Variants in SGSM3 observed in about 807,000 individuals in gnomAD.
SGSM3 encodes the protein RUN and SH3 containing 3.
A neutral mutation model predicts 100.5 loss-of-function variants in SGSM3; 96 were observed. The observed-to-expected ratio is 0.96, with a 90% CI of 0.81 to 1.13. SGSM3 has a LOEUF of 1.13. Ranked by LOEUF, SGSM3 falls within the 50% of genes most tolerant of loss-of-function variation. The pLI, the probability that SGSM3 is intolerant of heterozygous loss-of-function variation, is 0.00. For missense variants in SGSM3, 1,001 were observed against 1,015.8 expected, an observed-to-expected ratio of 0.99 and a Z score of 0.20; for synonymous variants, 483 against 422.8, an observed-to-expected ratio of 1.14 and a Z score of -1.75.
At chr22:40,372,122 C>CCT (rs768398221) in intron 1 of SGSM3, among the ~76,000 whole-genome samples, 9 of 65,212 alleles carry the variant, frequency 1.4e-4, no homozygotes, top group South Asian at 8.1e-4. Context: ...TCCCCCCCCC[C>CCT]TTTTTTTTTT....
Position 40,410,266 on chromosome 22 carries a change from CTGA to C in SGSM3, c.*508_*510del. ...CTGTGCTACCCACCCCTTCCATGGA[CTGA>C]ATAAGATGGACTAACAGGCCTGTGT... On this transcript the variant is annotated 3_prime_UTR_variant, in exon 22 of 22. Transcript: ENST00000248929. The C allele has an allele frequency of 1.3e-6, 1 of 760,352 alleles. No individual in the cohort carries two copies. Among genetic ancestry groups the C allele is most frequent in the East Asian group, 5.7e-5 (1 of 17,408 alleles). The allele number at this position is 760,352 out of a possible 1,614,324, so 47.1% of individuals were successfully genotyped here.
At chr22:40,385,083 GTC>G (rs1454840747) in intron 1 of SGSM3, among the ~76,000 whole-genome samples, 1 of 152,222 alleles carries the variant, frequency 6.6e-6, no homozygotes, top group Non-Finnish European at 1.5e-5. Flanking sequence ...TGCCCTCAGA[GTC>G]ATTGAACAGT....
chr22:40,406,479 C>T lies in SGSM3; in HGVS notation c.1002C>T (p.Phe334=), dbSNP rs1490712235. The T allele has an allele frequency of 6.2e-7, 1 of 1,605,214 alleles. No individual in the cohort carries two copies. The highest frequency in any genetic ancestry group is 1.1e-5 in the South Asian group (1 of 90,350). The change falls in exon 10 of 22, where the codon TTC becomes TTT. Residue 334 remains phenylalanine (F), a synonymous_variant. Coordinates refer to ENST00000248929, the MANE Select transcript of SGSM3 (RefSeq NM_015705.6). ...LIQSENSASI[F]NTLSDIPSQM... ...AGTCAGAGAACTCGGCCTCCATCTT[C>T]AACACGCTATCGGATATCCCGTCGC...
At chr22:40,384,242 C>CT (rs752920989) in intron 1 of SGSM3, among the ~76,000 whole-genome samples, 118 of 152,052 alleles carry the variant, frequency 7.8e-4, no homozygotes, top group Non-Finnish European at 1.2e-3. Flanking sequence ...AACCCTGTCT[C>CT]TAACAACAAC....
chr22:40,405,103 A>G lies in SGSM3; in HGVS notation c.475-38A>G, dbSNP rs377251297. On this transcript the variant is annotated intron_variant, in intron 6 of 21. Coordinates refer to ENST00000248929, the MANE Select transcript of SGSM3 (RefSeq NM_015705.6). ...TCTGCCTCCCTCCCAGGGTGTCACA[A>G]GGTCTTGTTATTGTGGGTGCCGATG... The G allele has an allele frequency of 7.1e-5, 105 of 1,470,372 alleles. 1 individual carries two copies. The African/African-American group carries it at 1.4e-3, about 20-fold the overall frequency. 91.1% of individuals were successfully genotyped at this position (1,470,372 alleles called of 1,614,324 possible).
At chr22:40,402,279 A>G (rs1163675180) in intron 4 of SGSM3, 74 bp downstream of exon 4, 2 of 1,166,080 alleles carry the variant, frequency 1.7e-6, no homozygotes, top group Non-Finnish European at 2.6e-6. Context: ...TGACTGAATT[A>G]CTCGGCCTGT....
rs769339119 is a variant in SGSM3 at position 40,404,621 on chromosome 22, T to C, written c.431T>C (p.Ile144Thr). The change falls in exon 6 of 22, where the codon ATT becomes ACT. Residue 144 changes from isoleucine to threonine, a missense_variant. Ile to Thr is a moderately conservative substitution (Grantham distance 89, BLOSUM62 -1). Coordinates refer to ENST00000248929, the MANE Select transcript of SGSM3 (RefSeq NM_015705.6). Reference sequence around the variant, plus strand: ...AACTCTGAGCTGTCCTACCGCGAGATTGTGAAGAACAGCTCCAACGATGAG... The same window carrying C: ...AACTCTGAGCTGTCCTACCGCGAGACTGTGAAGAACAGCTCCAACGATGAG... Reference protein sequence around the residue: ...KRNSELSYREIVKNSSNDETI... With the variant: ...KRNSELSYRETVKNSSNDETI... The C allele has an allele frequency of 2.4e-5, 39 of 1,613,608 alleles. No individual in the cohort carries two copies. In the South Asian group the frequency reaches 3.1e-4, roughly 13 times the overall value.
chr22:40,406,054 CG>C, intron 8 of SGSM3, 23 bp from the exon 9 acceptor site: 1 of 1,606,370 alleles, frequency 6.2e-7, no homozygotes, highest in East Asian at 2.2e-5. Flanking sequence ...TCCTCCCCAG[CG>C]GCTTTGGCTC....
chr22:40,408,695 C>T lies in SGSM3; in HGVS notation c.1851C>T (p.Phe617=), dbSNP rs772538497. Residue 617 remains phenylalanine, a splice_region_variant and synonymous_variant, in exon 17 of 22, where the codon TTC becomes TTT. Coordinates refer to ENST00000248929, the MANE Select transcript of SGSM3 (RefSeq NM_015705.6). The stretch of plus-strand genomic sequence containing the variant: ...CCCGTCTGGTGCTCTGTAAGACCTT[C>T]AGGTAACTCGGCCCGGGTTCTTCTG... ...VYSRLVLCKT[F]RLDEDGKVLT... The T allele has an allele frequency of 6.2e-7, 1 of 1,614,040 alleles. No individual in the cohort carries two copies. Among genetic ancestry groups the T allele is most frequent in the Non-Finnish European group, 8.5e-7 (1 of 1,180,020 alleles).
intron 1 of SGSM3, among the ~76,000 whole-genome samples, chr22:40,371,967 TGGGATTACA>T (rs1229913405): frequency 6.6e-6 from 1 of 152,312 alleles, no homozygotes; most frequent in Admixed American, 6.5e-5. Context: ...CCCAAAGTGC[TGGGATTACA>T]GGCGTGAGCC....
intron 4 of SGSM3, among the ~76,000 whole-genome samples, chr22:40,403,806 G>A (rs1387628323): frequency 2.6e-5 from 4 of 152,206 alleles, no homozygotes; most frequent in African/African-American, 7.2e-5. Context: ...CAACAGGGAG[G>A]TCAGCAGGAG....
chr22:40,376,621 C>A (rs929287371), intron 1 of SGSM3: 1 of 152,150 alleles, frequency 6.6e-6, no homozygotes, highest in African/African-American at 2.4e-5. Context: ...TGTATTAACT[C>A]ACAATCCTCA....
At chr22:40,400,632 A>AG in intron 1 of SGSM3, 64 bp from the exon 2 acceptor site, 1 of 613,094 alleles carries the variant, frequency 1.6e-6, no homozygotes, top group South Asian at 1.9e-5. Context: ...TGACCAAGCG[A>AG]GACTCTGTCT....
In SGSM3 at chr22:40,404,984, C is replaced by T. The variant is rs537909355; in HGVS notation, c.475-157C>T. 5.4e-6 allele frequency: 3 copies of T among 559,444 alleles called. No individual in the cohort carries two copies. The African/African-American group carries it at 6.1e-5, about 11-fold the overall frequency. 34.7% of individuals were successfully genotyped at this position (559,444 alleles called of 1,614,324 possible). On this transcript the variant is annotated intron_variant, in intron 6 of 21. Coordinates refer to ENST00000248929, the MANE Select transcript of SGSM3 (RefSeq NM_015705.6). ...CCCAGCTGGATTTGATGTCCCGGCTCCACACTGGCTGGGAGCTGACCCTGA... is the reference window on the plus strand; with the variant it reads ...CCCAGCTGGATTTGATGTCCCGGCTTCACACTGGCTGGGAGCTGACCCTGA...
At position 40,408,391 on chromosome 22, in the gene SGSM3, C is replaced by T. The variant is rs1569226944; in HGVS notation, c.1744C>T (p.Leu582Phe). The change falls in exon 16 of 22, where the codon CTT becomes TTT. Residue 582 changes from leucine to phenylalanine, a missense_variant. Leu to Phe is a conservative substitution (Grantham distance 22, BLOSUM62 0). Coordinates refer to ENST00000248929, the MANE Select transcript of SGSM3 (RefSeq NM_015705.6). ...ACATGGACTGAAGAAGCCATCCCTG[C>T]TTGGGGGCGCCTGCCACCCCTGGCT... ...FEHGLKKPSL[L>F]GGACHPWLFI... The T allele has an allele frequency of 6.2e-7, 1 of 1,613,502 alleles. No homozygotes were observed. The highest frequency in any genetic ancestry group is 8.5e-7 in the Non-Finnish European group (1 of 1,179,956).
chr22:40,409,806 A>C lies in SGSM3; in HGVS notation c.*47A>C. ...CTCGGGCCTGCGTCTGAGGTGGCCC[A>C]GGACCCCAAGCTGCAGAGCCCAGGG... is the stretch of plus-strand genomic sequence containing the variant. On this transcript the variant is annotated 3_prime_UTR_variant, in exon 22 of 22. Coordinates refer to ENST00000248929, the MANE Select transcript of SGSM3 (RefSeq NM_015705.6). 1 of 1,582,372 alleles carries C rather than the reference A, an allele frequency of 6.3e-7. No homozygotes were observed.
chr22:40,408,463 T>C (rs749664144), intron 16 of SGSM3, 34 bp downstream of exon 16: 2 of 1,612,284 alleles, frequency 1.2e-6, no homozygotes, highest in South Asian at 2.2e-5. Context: ...ACCCCCACCC[T>C]GCACCAGCCC....
chr22:40,388,381 G>A (rs527895973), intron 1 of SGSM3: 53 of 152,362 alleles, frequency 3.5e-4, no homozygotes, highest in African/African-American at 1.2e-3. Context: ...AGTAATTGCT[G>A]TATTTAGCAG....
intron 10 of SGSM3, 133 bp from the exon 11 acceptor site, chr22:40,406,884 G>A: frequency 9.7e-7 from 1 of 1,028,366 alleles, no homozygotes; most frequent in African/African-American, 1.6e-5. Flanking sequence ...GGCAGACCCA[G>A]CTCTGATTAT....
Sources: allele counts gnomAD v4.1 joint callset (sites outside exome capture counted in the v4.1 genomes callset), GRCh38; gene constraint gnomAD v4.1.1; transcripts MANE v1.5; gene names NCBI Gene and HGNC (gene_info 2026-07-23, HGNC 2026-07-21).